The following SORCS2 variants were observed in gnomAD, a reference collection of about 807,000 sequenced individuals.
SORCS2 encodes the protein VPS10 domain-containing receptor SorCS2.
In SORCS2, 100 loss-of-function variants were observed where a neutral mutation model predicts 141.6. The ratio of observed to expected loss-of-function variants is 0.71; its 90% CI spans 0.60 to 0.83. The LOEUF (loss-of-function observed/expected upper bound fraction) is 0.83. Ranked by LOEUF, SORCS2 falls within the 40% of genes least tolerant of loss-of-function variation. The pLI, the probability that SORCS2 is intolerant of heterozygous loss-of-function variation, is 0.00. For synonymous variants in SORCS2, 789 were observed against 676.9 expected, an observed-to-expected ratio of 1.17 and a Z score of -2.57; for missense variants, 1,646 against 1,560.2, an observed-to-expected ratio of 1.05 and a Z score of -0.93.
At chr4:7,474,705 CTG>C (rs1469841348) in intron 2 of SORCS2, among the ~76,000 whole-genome samples, 1 of 152,144 alleles carries the variant, frequency 6.6e-6, no homozygotes, top group Non-Finnish European at 1.5e-5. Context: ...TGGAGCGAGA[CTG>C]GGGTCTGGAA....
rs28409725 is a variant in SORCS2, at chr4:7,601,816, C to T, written c.649-36512C>T. 6.7e-3 allele frequency among the ~76,000 whole-genome samples: 1,025 copies of T among 151,928 alleles called. 12 individuals are homozygous for T. Among genetic ancestry groups the T allele is most frequent in the African/African-American group, 0.023 (960 of 41,410 alleles). On this transcript the variant is annotated intron_variant, in intron 3 of 26. Transcript: ENST00000507866. ...GGTTTTCCTAGGCGGAGGACCCTGC[C>T]GCCTTCCGCAGTGTTTGTGTCCCTG...
At chr4:7,253,033 A>T (rs1163045115) in intron 1 of SORCS2, among the ~76,000 whole-genome samples, 3 of 152,198 alleles carry the variant, frequency 2.0e-5, no homozygotes, top group Non-Finnish European at 4.4e-5. Context: ...CACTGCCTGG[A>T]CTCAGCCCCT....
intron 11 of SORCS2, among the ~76,000 whole-genome samples, 189 bp downstream of exon 11, chr4:7,689,777 T>G (rs1724101502): frequency 6.6e-6 from 1 of 152,186 alleles, no homozygotes; most frequent in Admixed American, 6.5e-5. Flanking sequence ...TGGCCCAGGG[T>G]GGGCATATGG....
chr4:7,592,123 T>C (rs1468315788), intron 3 of SORCS2, among the ~76,000 whole-genome samples: 1 of 152,180 alleles, frequency 6.6e-6, no homozygotes, highest in Non-Finnish European at 1.5e-5. Flanking sequence ...ACGCTTCGAG[T>C]TTGGCTCTCT....
In SORCS2 at chr4:7,741,055, A is replaced by T. The variant is rs957110699; in HGVS notation, c.*791A>T. 10 of 398,738 alleles carry T rather than the reference A, an allele frequency of 2.5e-5. No individual in the cohort carries two copies. The highest frequency in any genetic ancestry group is 2.5e-4 in the South Asian group (2 of 7,854). 24.7% of individuals were successfully genotyped at this position (398,738 alleles called of 1,614,324 possible). ...GTGCCCATGGTTCCTCACTCCTACC[A>T]GCAAGCAGCACCATCCCGCAGGCTT... On this transcript the variant is annotated 3_prime_UTR_variant, in exon 27 of 27. Coordinates refer to ENST00000507866, the MANE Select transcript of SORCS2 (RefSeq NM_020777.3).
intron 15 of SORCS2, 133 bp downstream of exon 15, chr4:7,712,986 C>G (rs1297607430): frequency 7.4e-7 from 1 of 1,348,768 alleles, no homozygotes; most frequent in East Asian, 2.5e-5. Flanking sequence ...CAGGGAATCC[C>G]CAGCGCCTTG....
At chr4:7,503,145 G>A (rs530339675) in intron 2 of SORCS2, among the ~76,000 whole-genome samples, 2 of 152,266 alleles carry the variant, frequency 1.3e-5, no homozygotes, top group African/African-American at 2.4e-5. Flanking sequence ...ATCTGTATGT[G>A]TATATATGTG....
chr4:7,378,832 G>A (rs1040371532), intron 1 of SORCS2, among the ~76,000 whole-genome samples: 1 of 152,150 alleles, frequency 6.6e-6, no homozygotes. Context: ...CCCGCATCAG[G>A]TCCAGGCCCA....
At chr4:7,652,844 G>A (rs933633283) in intron 4 of SORCS2, among the ~76,000 whole-genome samples, 2 of 152,248 alleles carry the variant, frequency 1.3e-5, no homozygotes, top group Non-Finnish European at 2.9e-5. Context: ...GGCAGGGCCA[G>A]CTGTGTGATT....
At chr4:7,359,248 A>G (rs932925264) in intron 1 of SORCS2, among the ~76,000 whole-genome samples, 1 of 152,106 alleles carries the variant, frequency 6.6e-6, no homozygotes, top group African/African-American at 2.4e-5. Flanking sequence ...GTGAGCCAAG[A>G]TGGCGCCACT....
intron 2 of SORCS2, among the ~76,000 whole-genome samples, chr4:7,450,178 G>T: frequency 1.3e-5 from 2 of 152,204 alleles, no homozygotes; most frequent in East Asian, 3.9e-4. Context: ...GTCCTCATCT[G>T]TGTCTGGGGT....
chr4:7,373,479 T>TA (rs60434529), intron 1 of SORCS2, among the ~76,000 whole-genome samples: 802 of 15,464 alleles, frequency 0.052, 67 homozygotes, highest in African/African-American at 0.12. Flanking sequence ...TATATATATA[T>TA]TTTTTTTTTT....
At chr4:7,255,884 A>T (rs190259707) in intron 1 of SORCS2, among the ~76,000 whole-genome samples, 74 of 23,112 alleles carry the variant, frequency 3.2e-3, no homozygotes, top group South Asian at 0.017. Context: ...CCGGGGCTGG[A>T]GCGTGGGGAC....
chr4:7,374,642 C>T (rs1722514473), intron 1 of SORCS2, among the ~76,000 whole-genome samples: 1 of 152,196 alleles, frequency 6.6e-6, no homozygotes, highest in Non-Finnish European at 1.5e-5. Context: ...AGGTTGCTTT[C>T]TCAGTAACGA....
At chr4:7,456,303 GTGAATGAA>G (rs199612269) in intron 2 of SORCS2, among the ~76,000 whole-genome samples, 1 of 152,096 alleles carries the variant, frequency 6.6e-6, no homozygotes. Flanking sequence ...TGTTTGTGAT[GTGAATGAA>G]TGAATGAATG....
At chr4:7,508,831 G>C (rs955202727) in intron 2 of SORCS2, among the ~76,000 whole-genome samples, 6 of 152,176 alleles carry the variant, frequency 3.9e-5, no homozygotes, top group African/African-American at 1.4e-4. Flanking sequence ...TTGATAAATA[G>C]GAGCAAAGAA....
chr4:7,647,077 G>T (rs1448821224), intron 4 of SORCS2, among the ~76,000 whole-genome samples: 1 of 152,164 alleles, frequency 6.6e-6, no homozygotes, highest in South Asian at 2.1e-4. Flanking sequence ...CGAAAAACAG[G>T]AGGTAGCCAG....
rs1206700946 is a variant in SORCS2 at position 7,664,102 on chromosome 4, G to T, written c.953-251G>T. Among the ~76,000 whole-genome samples, 1 of 152,124 alleles carries T rather than the reference G, an allele frequency of 6.6e-6. No homozygotes were observed. The highest frequency in any genetic ancestry group is 1.5e-5 in the Non-Finnish European group (1 of 68,026). ...CGCCTGTGCTGACCCCTCCTGCAGG[G>T]GATGGCAGGCTCCAGAGTAGCACGA... On this transcript the variant is annotated intron_variant, in intron 6 of 26. Transcript: ENST00000507866. The surrounding 1 kb of genome is among the most constrained non-coding windows in gnomAD (Gnocchi z 4.7).
intron 2 of SORCS2, among the ~76,000 whole-genome samples, chr4:7,451,503 T>A (rs1728464471): frequency 1.3e-5 from 2 of 152,282 alleles, no homozygotes. Flanking sequence ...CTCTCAGACC[T>A]GTCCCTACTC....
Sources: allele counts gnomAD v4.1 joint callset (sites outside exome capture counted in the v4.1 genomes callset), GRCh38; gene constraint gnomAD v4.1.1; non-coding constraint Gnocchi (gnomAD v3.1); transcripts MANE v1.5; gene names NCBI Gene and HGNC (gene_info 2026-07-23, HGNC 2026-07-21).